Variants in LGSN observed in about 807,000 individuals in gnomAD.
LGSN encodes lengsin, lens protein with glutamine synthetase domain, also known as lengsin.
Under a neutral mutation model 19.5 loss-of-function variants are expected in LGSN, and 21 were observed. That is an observed-to-expected ratio of 1.07 (90% confidence interval 0.76 to 1.55). LGSN has a LOEUF of 1.55. Ranked by LOEUF, LGSN falls within the 40% of genes most tolerant of loss-of-function variation. The pLI is 0.00. For synonymous variants in LGSN, 257 were observed against 215.6 expected (o/e 1.19, Z -1.68); for missense variants, 673 against 608.5 (o/e 1.11, Z -1.12).
At chr6:63,362,276 CT>C in the LGSN span, among the ~76,000 whole-genome samples, 1 of 152,216 alleles carries the variant, frequency 6.6e-6, no homozygotes, top group African/African-American at 2.4e-5. Flanking sequence ...CATCTTCAGT[CT>C]GCAGCTCCCA....
chr6:63,444,787 A>T, the LGSN span, among the ~76,000 whole-genome samples: 1 of 152,180 alleles, frequency 6.6e-6, no homozygotes, highest in East Asian at 1.9e-4. Context: ...AATCTGGTTG[A>T]ATCAGCACAA....
the LGSN span, chr6:63,441,318 C>T: frequency 1.7e-5 from 8 of 468,728 alleles, no homozygotes; most frequent in South Asian, 3.8e-5. Context: ...AGACTTGGGC[C>T]GTTTGGTCAA....
chr6:63,341,264 G>A, the LGSN span, among the ~76,000 whole-genome samples: 57 of 152,250 alleles, frequency 3.7e-4, no homozygotes, highest in African/African-American at 1.3e-3. Flanking sequence ...GGCAGGGCCG[G>A]CCGATCCTCA....
At chr6:63,558,539 G>T in the LGSN span, among the ~76,000 whole-genome samples, 1 of 152,140 alleles carries the variant, frequency 6.6e-6, no homozygotes, top group Non-Finnish European at 1.5e-5. Context: ...AAATGAACAG[G>T]TCTCATGGGG....
chr6:63,364,995 A>C, the LGSN span, among the ~76,000 whole-genome samples: 14 of 152,208 alleles, frequency 9.2e-5, no homozygotes, highest in Non-Finnish European at 1.6e-4. Context: ...AAAGATCTAA[A>C]ACTGACACCC....
the LGSN span, among the ~76,000 whole-genome samples, chr6:63,422,997 G>GA: frequency 1.3e-5 from 2 of 152,054 alleles, no homozygotes; most frequent in African/African-American, 4.8e-5. Context: ...TAAAATGATA[G>GA]AAAAAATAGC....
the LGSN span, among the ~76,000 whole-genome samples, chr6:63,433,781 G>A: frequency 2.0e-5 from 3 of 152,128 alleles, no homozygotes; most frequent in African/African-American, 7.2e-5. Context: ...ATAGACGAAC[G>A]GATAGACTAA....
chr6:63,565,739 T>C, the LGSN span, among the ~76,000 whole-genome samples: 1 of 152,180 alleles, frequency 6.6e-6, no homozygotes, highest in Non-Finnish European at 1.5e-5. Context: ...GAAATTTCTG[T>C]GTCTAAATTT....
At chr6:63,522,831 G>A in the LGSN span, among the ~76,000 whole-genome samples, 1 of 150,596 alleles carries the variant, frequency 6.6e-6, no homozygotes, top group Non-Finnish European at 1.5e-5. Context: ...CTTTGAGGTC[G>A]TGAAATGATC....
rs756416014 is a variant in LGSN, at chr6:63,281,193, G to T, written c.358C>A (p.Pro120Thr). 3.1e-6 allele frequency: 5 copies of T among 1,600,348 alleles called. No individual in the cohort carries two copies. The South Asian group carries it at 3.4e-5, about 11-fold the overall frequency. Residue 120 changes from proline to threonine, a missense_variant, in exon 4 of 4, where the codon CCC becomes ACC. By Grantham distance (38) the Pro-to-Thr change is conservative (BLOSUM62 -1). Coordinates refer to ENST00000370657, the MANE Select transcript of LGSN (RefSeq NM_016571.3). ...GGTATCACTTCAAGATAACCTCGGG[G>T]CATGCAAACACCATGGCTCACTTTC... is the stretch of plus-strand genomic sequence containing the variant. ...QEKVSHGVCM[P>T]RGYLEVIPNP...
chr6:63,301,940 GT>G (rs1768198095), intron 1 of LGSN, among the ~76,000 whole-genome samples: 5 of 152,086 alleles, frequency 3.3e-5, no homozygotes, highest in African/African-American at 1.2e-4. Context: ...TTTTGATAGT[GT>G]TTAAAACCTT....
chr6:63,310,208 C>T (rs1562017788), intron 1 of LGSN, among the ~76,000 whole-genome samples: 1 of 152,128 alleles, frequency 6.6e-6, no homozygotes, highest in Non-Finnish European at 1.5e-5. Context: ...CTTTTCTGGC[C>T]ACAACCAAAA....
the LGSN span, chr6:63,481,667 T>A: frequency 6.3e-5 from 10 of 159,596 alleles, no homozygotes; most frequent in Middle Eastern, 3.1e-3. Context: ...TAAAATAAAA[T>A]TTTTTAAAAA....
chr6:63,438,140 C>T, the LGSN span, among the ~76,000 whole-genome samples: 14 of 152,074 alleles, frequency 9.2e-5, no homozygotes, highest in East Asian at 7.7e-4. Flanking sequence ...TGGCCAGGTG[C>T]GGTGGCTCAT....
At chr6:63,311,010 A>T (rs2127394803) in intron 1 of LGSN, among the ~76,000 whole-genome samples, 1 of 152,316 alleles carries the variant, frequency 6.6e-6, no homozygotes, top group Middle Eastern at 3.4e-3. Context: ...TGCCTTGAGC[A>T]TCTCAAAAAA....
the LGSN span, among the ~76,000 whole-genome samples, chr6:63,330,519 T>G: frequency 5.3e-5 from 8 of 152,204 alleles, no homozygotes; most frequent in Non-Finnish European, 1.2e-4. Flanking sequence ...CCTCGAGTGA[T>G]TCAGGTGACA....
the LGSN span, among the ~76,000 whole-genome samples, chr6:63,533,788 T>C: frequency 6.6e-6 from 1 of 152,076 alleles, no homozygotes; most frequent in Non-Finnish European, 1.5e-5. Flanking sequence ...GGATTTTTTT[T>C]AAAGTTACAC....
the LGSN span, among the ~76,000 whole-genome samples, chr6:63,333,960 A>C: frequency 6.6e-6 from 1 of 152,250 alleles, no homozygotes; most frequent in East Asian, 1.9e-4. Flanking sequence ...AACTTGGTGT[A>C]GAAAATATAC....
the LGSN span, among the ~76,000 whole-genome samples, chr6:63,461,253 T>C: frequency 6.6e-6 from 1 of 152,178 alleles, no homozygotes; most frequent in Non-Finnish European, 1.5e-5. Context: ...GGTTTCACCG[T>C]GTTGGCCATG....
Sources: gnomAD v4.1 joint callset for allele counts (sites outside exome capture counted in the v4.1 genomes callset) on GRCh38, gnomAD v4.1.1 for gene constraint, MANE v1.5 for transcripts, NCBI Gene and HGNC (gene_info 2026-07-23, HGNC 2026-07-21) for gene names.